The following CAP2 variants were observed in gnomAD, a reference collection of about 807,000 sequenced individuals.
CAP2 encodes the protein cyclase associated actin cytoskeleton regulatory protein 2, also known as adenylyl cyclase-associated protein 2.
CAP2 carries 24 observed loss-of-function variants against 57.7 expected under a neutral mutation model. The observed-to-expected ratio is 0.42, with a 90% CI of 0.30 to 0.58. The LOEUF is 0.58. CAP2 is among the 20% of genes least tolerant of loss of function. The pLI is 0.22. For missense variants in CAP2, 501 were observed against 590.3 expected (o/e 0.85, Z 1.57); for synonymous variants, 194 against 207.2 (o/e 0.94, Z 0.55).
At chr6:17,471,327 C>T (rs1211331523) in intron 4 of CAP2, among the ~76,000 whole-genome samples, 1 of 152,144 alleles carries the variant, frequency 6.6e-6, no homozygotes, top group African/African-American at 2.4e-5. Context: ...TAACATAATG[C>T]AATAAAGTAA....
intron 3 of CAP2, among the ~76,000 whole-genome samples, chr6:17,446,541 G>A (rs1760262631): frequency 6.6e-6 from 1 of 152,214 alleles, no homozygotes; most frequent in African/African-American, 2.4e-5. Flanking sequence ...TAGGGAGGTG[G>A]CATATGCACT....
intron 2 of CAP2, among the ~76,000 whole-genome samples, chr6:17,423,031 T>C (rs1200730394): frequency 6.6e-6 from 1 of 152,226 alleles, no homozygotes; most frequent in Non-Finnish European, 1.5e-5. Flanking sequence ...CTGCATTTAA[T>C]ATGGCAACTC....
intron 7 of CAP2, among the ~76,000 whole-genome samples, chr6:17,519,723 G>A (rs1464801608): frequency 2.6e-5 from 4 of 152,064 alleles, no homozygotes; most frequent in Admixed American, 1.3e-4. Context: ...AACTAAAGTC[G>A]AAAGACTAAG....
At chr6:17,403,443 A>C (rs1758868306) in intron 1 of CAP2, among the ~76,000 whole-genome samples, 1 of 152,262 alleles carries the variant, frequency 6.6e-6, no homozygotes, top group Non-Finnish European at 1.5e-5. Context: ...CCACATATCC[A>C]TAAAGTTATG....
intron 7 of CAP2, among the ~76,000 whole-genome samples, chr6:17,535,484 A>T (rs1762752929): frequency 1.3e-5 from 2 of 152,072 alleles, no homozygotes; most frequent in South Asian, 4.1e-4. Flanking sequence ...CATGTTGGTC[A>T]GGCTGGTCTT....
intron 4 of CAP2, among the ~76,000 whole-genome samples, chr6:17,502,715 A>G (rs541807430): frequency 6.6e-6 from 1 of 152,320 alleles, no homozygotes; most frequent in South Asian, 2.1e-4. Context: ...TGTTATAAAT[A>G]TACAGTTTCT....
chr6:17,399,492 A>G (rs569442004), intron 1 of CAP2, among the ~76,000 whole-genome samples: 3 of 152,320 alleles, frequency 2.0e-5, no homozygotes, highest in Non-Finnish European at 4.4e-5. Context: ...TTTCCCTTTC[A>G]GTATACAGCC....
chr6:17,440,614 G>GTGT (rs1554122866), intron 3 of CAP2, among the ~76,000 whole-genome samples: 12,784 of 141,476 alleles, frequency 0.09, 724 homozygotes, highest in African/African-American at 0.12. Flanking sequence ...AACTGTGTGT[G>GTGT]GTGTGTGTGT....
intron 3 of CAP2, among the ~76,000 whole-genome samples, chr6:17,430,312 C>T (rs1216411462): frequency 1.3e-5 from 2 of 152,136 alleles, no homozygotes; most frequent in African/African-American, 2.4e-5. Flanking sequence ...AACCAAAGGG[C>T]TTATTTAAAC....
At chr6:17,435,724 A>C (rs1279845472) in intron 3 of CAP2, among the ~76,000 whole-genome samples, 9 of 148,468 alleles carry the variant, frequency 6.1e-5, no homozygotes, top group South Asian at 2.1e-4. Flanking sequence ...GGATAAAAAA[A>C]AAAAAAAACA....
intron 3 of CAP2, among the ~76,000 whole-genome samples, chr6:17,434,687 C>T (rs1561782091): frequency 6.6e-6 from 1 of 152,170 alleles, no homozygotes; most frequent in Non-Finnish European, 1.5e-5. Flanking sequence ...CTTATGTATC[C>T]TTCCAGTGTT....
At chr6:17,455,827 G>A (rs985771514) in intron 3 of CAP2, among the ~76,000 whole-genome samples, 6 of 152,118 alleles carry the variant, frequency 3.9e-5, no homozygotes, top group South Asian at 2.1e-4. Flanking sequence ...GAGCCACCGC[G>A]CCCAGCCTAA....
chr6:17,446,433 A>G (rs58181794), intron 3 of CAP2, among the ~76,000 whole-genome samples: 12,562 of 152,234 alleles, frequency 0.083, 1,699 homozygotes, highest in African/African-American at 0.28. Flanking sequence ...GTGCTTAGCA[A>G]CCATTATTGG....
intron 3 of CAP2, among the ~76,000 whole-genome samples, chr6:17,435,210 T>G (rs1759841245): frequency 9.3e-6 from 1 of 107,852 alleles, no homozygotes; most frequent in Non-Finnish European, 1.9e-5. Context: ...TAAATCATGC[T>G]GCTATAAAGA....
chr6:17,550,039 A>G (rs1243384373), intron 11 of CAP2, among the ~76,000 whole-genome samples: 1 of 152,200 alleles, frequency 6.6e-6, no homozygotes, highest in Non-Finnish European at 1.5e-5. Flanking sequence ...AATCCTCCCA[A>G]TAGGATACTA....
chr6:17,460,255 T>C (rs759816969), intron 3 of CAP2, among the ~76,000 whole-genome samples: 4 of 150,686 alleles, frequency 2.7e-5, no homozygotes, highest in Non-Finnish European at 5.9e-5. Context: ...CAGGGAGACG[T>C]GCTTCAACCT....
chr6:17,542,580 T>G (rs2113701549), intron 9 of CAP2, among the ~76,000 whole-genome samples: 1 of 152,314 alleles, frequency 6.6e-6, no homozygotes, highest in East Asian at 1.9e-4. Flanking sequence ...CTCACATCCC[T>G]GCTCCAGCCT....
chr6:17,551,355 G>C (rs977223957), intron 11 of CAP2, 109 bp from the exon 12 acceptor site: 20 of 877,702 alleles, frequency 2.3e-5, no homozygotes, highest in Non-Finnish European at 3.1e-5. Context: ...GAATTCTAAT[G>C]CTTGGTTAAG....
chr6:17,512,979 A>C (rs939392831), intron 6 of CAP2, among the ~76,000 whole-genome samples: 1 of 152,230 alleles, frequency 6.6e-6, no homozygotes, highest in East Asian at 1.9e-4. Flanking sequence ...CCAGGAACAT[A>C]ATTAAATTTT....
Sources: allele counts gnomAD v4.1 joint callset (sites outside exome capture counted in the v4.1 genomes callset), GRCh38; gene constraint gnomAD v4.1.1; transcripts MANE v1.5; gene names NCBI Gene and HGNC (gene_info 2026-07-23, HGNC 2026-07-21).